PARVB: variants seen among roughly 807,000 people sequenced by gnomAD.
PARVB encodes the protein beta-parvin.
A neutral mutation model predicts 47.0 loss-of-function variants in PARVB; 46 were observed. That is an observed-to-expected ratio of 0.98 (90% CI 0.77 to 1.25). The LOEUF is 1.25. Ranked by LOEUF, PARVB falls within the 50% of genes most tolerant of loss-of-function variation. PARVB has a pLI of 0.00. For missense variants in PARVB, 473 were observed against 471.6 expected (o/e 1.00, Z -0.03); for synonymous variants, 196 against 196.3 (o/e 1.00, Z 0.01).
At chr22:44,077,617 G>A (rs554441509) in intron 1 of PARVB, among the ~76,000 whole-genome samples, 2 of 152,286 alleles carry the variant, frequency 1.3e-5, no homozygotes, top group South Asian at 2.1e-4. Context: ...AGGATGTGAC[G>A]GGGAGTCGCC....
chr22:44,123,312 G>A (rs1241988085), intron 4 of PARVB, among the ~76,000 whole-genome samples: 1 of 152,188 alleles, frequency 6.6e-6, no homozygotes, highest in Non-Finnish European at 1.5e-5. Context: ...CAGTGGTGGG[G>A]GTAACACGCT....
rs2052372286 is a variant in PARVB at position 44,098,856 on chromosome 22, T to TA, written c.203-1196dup. Among the ~76,000 whole-genome samples the TA allele has an allele frequency of 3.9e-5, 6 of 152,320 alleles. No homozygotes were observed. The South Asian group carries it at 1.2e-3, about 32-fold the overall frequency. ...TTATTATTTTATTTATTTTTAAAAATAGAGACAGGGATTTCACTATGTAGC... is the reference window on the plus strand; with the variant it reads ...TTATTATTTTATTTATTTTTAAAAATAAGAGACAGGGATTTCACTATGTAGC... On this transcript the variant is annotated intron_variant, in intron 2 of 12. Transcript: ENST00000338758.
At chr22:44,039,718 A>G in intron 1 of PARVB, 1 of 384,572 alleles carries the variant, frequency 2.6e-6, no homozygotes, top group African/African-American at 2.1e-5. Context: ...AGTGTCAAGG[A>G]ACAAGGTGCC....
At chr22:44,115,838 A>G (rs1348651647) in intron 3 of PARVB, 2 of 148,728 alleles carry the variant, frequency 1.3e-5, no homozygotes, top group East Asian at 2.0e-4. Flanking sequence ...CTACACCAGA[A>G]TGGATACATT....
chr22:44,082,094 G>T (rs1359597609), intron 1 of PARVB, among the ~76,000 whole-genome samples: 3 of 152,188 alleles, frequency 2.0e-5, no homozygotes, highest in Non-Finnish European at 4.4e-5. Context: ...AAAACGGGAG[G>T]CAAATGGGGT....
At position 44,055,997 on chromosome 22, in the gene PARVB, G is replaced by A. The variant is rs140562753; in HGVS notation, c.112+31546G>A. ...AGAATAATGGTTAGCCAAGCACCAG[G>A]CCGCTCCCCACCCAGTCCAGGCAGC... On this transcript the variant is annotated intron_variant, in intron 1 of 12. Transcript: ENST00000338758. 4.8e-3 allele frequency among the ~76,000 whole-genome samples: 729 copies of A among 152,304 alleles called. 9 individuals carry two copies. Among genetic ancestry groups the A allele is most frequent in the African/African-American group, 0.017 (698 of 41,556 alleles).
chr22:44,061,446 CA>C (rs2051417730), intron 1 of PARVB, among the ~76,000 whole-genome samples: 1 of 151,450 alleles, frequency 6.6e-6, no homozygotes, highest in Admixed American at 6.6e-5. Context: ...CAAAACAAAA[CA>C]AAACAAAACA....
chr22:44,158,034 T>G lies in PARVB; in HGVS notation c.896T>G (p.Phe299Cys). 2 of 1,614,126 alleles carry G rather than the reference T, an allele frequency of 1.2e-6. No homozygotes were observed. ...VLLMGLLEDY[F>C]VPLHHFYLTP... ...CTCATGGGCCTTCTGGAAGACTACT[T>G]TGTTCCTCTCCACCACTTCTACCTG... The change falls in exon 11 of 13, where the codon TTT becomes TGT. Residue 299 changes from phenylalanine (F) to cysteine (C), a missense_variant. By Grantham distance (205) the Phe-to-Cys change is radical. Transcript: ENST00000338758.
intron 1 of PARVB, among the ~76,000 whole-genome samples, chr22:44,062,620 A>C (rs1179210678): frequency 6.6e-6 from 1 of 151,702 alleles, no homozygotes; most frequent in Non-Finnish European, 1.5e-5. Context: ...CTGAGCAACA[A>C]GAGCAAAACC....
chr22:44,097,308 G>A (rs2052331761), intron 2 of PARVB, among the ~76,000 whole-genome samples: 2 of 152,222 alleles, frequency 1.3e-5, no homozygotes, highest in African/African-American at 2.4e-5. Flanking sequence ...GAGTATGCGG[G>A]CCCAGGCCCC....
intron 2 of PARVB, among the ~76,000 whole-genome samples, chr22:44,094,273 G>A (rs1253588924): frequency 1.3e-5 from 2 of 152,228 alleles, no homozygotes; most frequent in African/African-American, 2.4e-5. Context: ...AACAGATTGG[G>A]AGAAGACTGA....
intron 3 of PARVB, chr22:44,109,095 GTC>G (rs2052631614): frequency 6.6e-6 from 1 of 152,106 alleles, no homozygotes; most frequent in Non-Finnish European, 1.5e-5. Flanking sequence ...TCCTCCCTTT[GTC>G]TCTCCGAAGA....
At chr22:44,101,118 T>C (rs1018396636) in intron 3 of PARVB, among the ~76,000 whole-genome samples, 48 of 152,318 alleles carry the variant, frequency 3.2e-4, no homozygotes, top group Non-Finnish European at 6.3e-4. Context: ...TCTTTTAAAA[T>C]CTACATTGAG....
At chr22:44,016,128 G>A (rs1277268853) in intron 2 of PARVB, among the ~76,000 whole-genome samples, 2 of 127,968 alleles carry the variant, frequency 1.6e-5, no homozygotes, top group Non-Finnish European at 3.1e-5. Flanking sequence ...ATGGAGTCTC[G>A]CTCTGTCGCC....
chr22:44,023,595 A>G (rs2050681284), upstream of PARVB, among the ~76,000 whole-genome samples: 1 of 147,206 alleles, frequency 6.8e-6, no homozygotes, highest in Non-Finnish European at 1.5e-5. Context: ...AATAAAATAA[A>G]ATAAAATAAA....
intron 9 of PARVB, chr22:44,148,283 A>C: frequency 2.9e-6 from 1 of 347,972 alleles, no homozygotes; most frequent in Non-Finnish European, 5.6e-6. Context: ...CCCAGTAAAC[A>C]CGCAGGCCTG....
chr22:44,074,120 G>C (rs1189755608), intron 1 of PARVB, among the ~76,000 whole-genome samples: 2 of 152,202 alleles, frequency 1.3e-5, no homozygotes, highest in Non-Finnish European at 2.9e-5. Flanking sequence ...GGAGCCAGGG[G>C]TGTGTGAGTG....
intron 1 of PARVB, among the ~76,000 whole-genome samples, chr22:44,040,301 T>C (rs916975956): frequency 1.3e-5 from 2 of 150,694 alleles, no homozygotes; most frequent in Non-Finnish European, 3.0e-5. Flanking sequence ...CTTTGAAATG[T>C]GTTAAAAAAA....
At chr22:44,075,695 C>G (rs769533511) in intron 1 of PARVB, among the ~76,000 whole-genome samples, 39 of 152,242 alleles carry the variant, frequency 2.6e-4, no homozygotes, top group Non-Finnish European at 4.9e-4. Context: ...ATCACACTGT[C>G]TGCAGCCTTT....
Sources: allele counts gnomAD v4.1 joint callset (sites outside exome capture counted in the v4.1 genomes callset), GRCh38; gene constraint gnomAD v4.1.1; transcripts MANE v1.5; gene names NCBI Gene and HGNC (gene_info 2026-07-23, HGNC 2026-07-21).